The following ADCY9 variants were observed in gnomAD, a reference collection of about 807,000 sequenced individuals.
ADCY9 encodes the protein adenylate cyclase 9.
Under a neutral mutation model 101.5 loss-of-function variants are expected in ADCY9, and 50 were observed. The ratio of observed to expected loss-of-function variants is 0.49; its 90% CI spans 0.39 to 0.62. The LOEUF (loss-of-function observed/expected upper bound fraction) is 0.62, where lower values mean the gene tolerates loss of function less well. Ranked by LOEUF, ADCY9 falls within the 20% of genes least tolerant of loss-of-function variation. The pLI is 0.00. For synonymous variants in ADCY9, 905 were observed against 769.3 expected, an observed-to-expected ratio of 1.18 and a Z score of -2.92; for missense variants, 1,662 against 1,800.4, an observed-to-expected ratio of 0.92 and a Z score of 1.39.
At chr16:4,072,665 G>A (rs1422231372) in intron 2 of ADCY9, among the ~76,000 whole-genome samples, 3 of 152,160 alleles carry the variant, frequency 2.0e-5, no homozygotes, top group African/African-American at 7.2e-5. Context: ...GGAAATATTT[G>A]AAGAGATAAT....
intron 8 of ADCY9, among the ~76,000 whole-genome samples, chr16:3,978,845 A>G (rs543059932): frequency 6.6e-6 from 1 of 152,102 alleles, no homozygotes; most frequent in Admixed American, 6.5e-5. Context: ...TCAGCCTCCC[A>G]AGTAGCTGGG....
intron 2 of ADCY9, among the ~76,000 whole-genome samples, chr16:4,013,335 C>A (rs1181167742): frequency 6.6e-6 from 1 of 151,946 alleles, no homozygotes; most frequent in Non-Finnish European, 1.5e-5. Flanking sequence ...GCAGGAGAAT[C>A]GCTTAAACTT....
At chr16:4,108,077 G>C (rs909564791) in intron 2 of ADCY9, among the ~76,000 whole-genome samples, 3 of 152,210 alleles carry the variant, frequency 2.0e-5, no homozygotes, top group Admixed American at 1.3e-4. Context: ...CCTCTTCAGA[G>C]ATATGACCAT....
chr16:4,067,281 G>T (rs1005058457), intron 2 of ADCY9, among the ~76,000 whole-genome samples: 1 of 152,090 alleles, frequency 6.6e-6, no homozygotes, highest in Non-Finnish European at 1.5e-5. Context: ...TCTTAAAATC[G>T]TTAAACAGAT....
intron 2 of ADCY9, among the ~76,000 whole-genome samples, chr16:4,060,404 G>T (rs950300286): frequency 1.3e-5 from 2 of 152,160 alleles, no homozygotes; most frequent in African/African-American, 4.8e-5. Flanking sequence ...GCACAAAGGA[G>T]GCCAGAAAAG....
chr16:4,080,773 C>A (rs2056896949), intron 2 of ADCY9, among the ~76,000 whole-genome samples: 1 of 147,866 alleles, frequency 6.8e-6, no homozygotes. Context: ...TTCCACATGG[C>A]AACCAAGGTC....
chr16:4,013,028 G>A (rs917776082), intron 2 of ADCY9, among the ~76,000 whole-genome samples: 28 of 152,000 alleles, frequency 1.8e-4, no homozygotes, highest in Non-Finnish European at 3.5e-4. Flanking sequence ...GCGGCAGGAG[G>A]ATCACTTGAG....
intron 2 of ADCY9, among the ~76,000 whole-genome samples, chr16:4,111,366 C>T (rs2057112859): frequency 6.6e-6 from 1 of 152,170 alleles, no homozygotes; most frequent in African/African-American, 2.4e-5. Flanking sequence ...TCACTACAAC[C>T]TTCTCTTCCC....
intron 2 of ADCY9, among the ~76,000 whole-genome samples, chr16:4,081,649 C>T (rs2056902995): frequency 6.6e-6 from 1 of 152,126 alleles, no homozygotes; most frequent in African/African-American, 2.4e-5. Context: ...TTCATCCTGA[C>T]ACCCACATGT....
chr16:4,020,609 G>T (rs926122458), intron 2 of ADCY9, among the ~76,000 whole-genome samples: 2 of 151,986 alleles, frequency 1.3e-5, no homozygotes, highest in African/African-American at 4.8e-5. Context: ...ATCACTTGAG[G>T]CCAGGAGTTC....
At chr16:4,014,667 C>G (rs1351960149) in intron 2 of ADCY9, among the ~76,000 whole-genome samples, 1 of 151,922 alleles carries the variant, frequency 6.6e-6, no homozygotes, top group Non-Finnish European at 1.5e-5. Flanking sequence ...AGGCTGGTCT[C>G]GAACTCCTGA....
chr16:4,023,446 C>T lies in ADCY9; in HGVS notation c.1694-15888G>A, dbSNP rs145905725. Reference sequence around the variant, plus strand: ...TATCACAGTGAGATGGAGGCAATTGCGGTGGTGTAGGTCTGGGGAAGGCAC... The same window carrying T: ...TATCACAGTGAGATGGAGGCAATTGTGGTGGTGTAGGTCTGGGGAAGGCAC... On this transcript the variant is annotated intron_variant, in intron 2 of 10. Transcript: ENST00000294016. 6.6e-5 allele frequency among the ~76,000 whole-genome samples: 10 copies of T among 152,246 alleles called. No individual in the cohort carries two copies. The South Asian group carries it at 1.2e-3, about 19-fold the overall frequency.
chr16:3,960,201 G>A (rs1031303157), downstream of ADCY9, among the ~76,000 whole-genome samples: 18 of 151,844 alleles, frequency 1.2e-4, no homozygotes, highest in East Asian at 1.9e-3. Flanking sequence ...ATTTGCATTC[G>A]TGGACTCCTG....
intron 3 of ADCY9, among the ~76,000 whole-genome samples, chr16:3,998,582 A>T (rs1005064089): frequency 8.6e-5 from 13 of 151,292 alleles, no homozygotes; most frequent in Non-Finnish European, 1.8e-4. Context: ...GGTGGTGCAC[A>T]CCTGTAGTTT....
intron 2 of ADCY9, among the ~76,000 whole-genome samples, chr16:4,024,549 G>A (rs1037172278): frequency 5.3e-5 from 8 of 152,106 alleles, no homozygotes; most frequent in African/African-American, 1.9e-4. Flanking sequence ...ATCCCATCCA[G>A]GATCCCACGC....
At position 4,113,961 on chromosome 16, in the gene ADCY9, G is replaced by T; in HGVS notation, c.1482C>A (p.Thr494=). 6.2e-7 allele frequency: 1 copy of T among 1,613,936 alleles called. No individual in the cohort carries two copies. Among genetic ancestry groups the T allele is most frequent in the Non-Finnish European group, 8.5e-7 (1 of 1,180,034 alleles). The change falls in exon 2 of 11, where the codon ACC becomes ACA. Residue 494 remains threonine, a synonymous_variant. Transcript: ENST00000294016. ...TCATGCCCAGGATGCCGCAAAGGAC[G>T]GTGCCCGTGTGCACCCCGACTCTCA... is the stretch of plus-strand genomic sequence containing the variant. ...VNMRVGVHTG[T]VLCGILGMRR...
chr16:4,097,487 T>TATATATATATACATACATACACAC (rs76750792), intron 2 of ADCY9, among the ~76,000 whole-genome samples: 2 of 72,506 alleles, frequency 2.8e-5, no homozygotes, highest in Admixed American at 1.7e-4. Context: ...TATATATATA[T>TATATATATATACATACATACACAC]ACACACACAC....
chr16:3,962,337 T>C (rs1262133559), downstream of ADCY9, among the ~76,000 whole-genome samples: 1 of 152,194 alleles, frequency 6.6e-6, no homozygotes, highest in Non-Finnish European at 1.5e-5. Context: ...CAGAAAACTA[T>C]TTAGGAGGCC....
chr16:4,028,432 A>G (rs1265728872), intron 2 of ADCY9, among the ~76,000 whole-genome samples: 1 of 152,210 alleles, frequency 6.6e-6, no homozygotes, highest in Admixed American at 6.5e-5. Flanking sequence ...AAGGACCTAA[A>G]TACTTGATCT....
Sources: gnomAD v4.1 joint callset for allele counts (sites outside exome capture counted in the v4.1 genomes callset) on GRCh38, gnomAD v4.1.1 for gene constraint, MANE v1.5 for transcripts, NCBI Gene and HGNC (gene_info 2026-07-23, HGNC 2026-07-21) for gene names.